SCLT1: variants seen among roughly 807,000 people sequenced by gnomAD.
SCLT1 encodes sodium channel-associated protein 1.
SCLT1 carries 78 observed loss-of-function variants against 112.8 expected under a neutral mutation model. The observed-to-expected ratio is 0.69, with a 90% CI of 0.58 to 0.83. The LOEUF is 0.83. Ranked by LOEUF, SCLT1 falls within the 40% of genes least tolerant of loss-of-function variation. SCLT1 has a pLI of 0.00. For synonymous variants in SCLT1, 257 were observed against 254.7 expected, an observed-to-expected ratio of 1.01 and a Z score of -0.09; for missense variants, 747 against 770.4, an observed-to-expected ratio of 0.97 and a Z score of 0.36.
At chr4:128,913,891 G>T (rs1735278758) in intron 18 of SCLT1, among the ~76,000 whole-genome samples, 1 of 152,030 alleles carries the variant, frequency 6.6e-6, no homozygotes, top group African/African-American at 2.4e-5. Flanking sequence ...TGCCTGTTTT[G>T]TTCACTGGTA....
chr4:128,986,146 G>A (rs1179794307), intron 9 of SCLT1, among the ~76,000 whole-genome samples: 1 of 152,068 alleles, frequency 6.6e-6, no homozygotes, highest in East Asian at 1.9e-4. Flanking sequence ...AGTGCAGAGT[G>A]GACAGATAAT....
intron 1 of SCLT1, among the ~76,000 whole-genome samples, chr4:129,083,127 G>T (rs78273957): frequency 0.24 from 33,789 of 143,502 alleles, 4,447 homozygotes; most frequent in East Asian, 0.33. Flanking sequence ...GGAGGCAGAA[G>T]TTGCAGTGAG....
chr4:128,945,281 C>T (rs1738050426), intron 16 of SCLT1, among the ~76,000 whole-genome samples: 1 of 152,058 alleles, frequency 6.6e-6, no homozygotes, highest in African/African-American at 2.4e-5. Context: ...TTGGGAAAAG[C>T]CTTCATGTGT....
intron 18 of SCLT1, among the ~76,000 whole-genome samples, chr4:128,898,496 C>T (rs898206091): frequency 6.6e-6 from 1 of 152,036 alleles, no homozygotes; most frequent in Admixed American, 6.6e-5. Flanking sequence ...ACACAACATA[C>T]CAGAATCTCT....
At chr4:128,892,617 T>C (rs989970320) in intron 18 of SCLT1, among the ~76,000 whole-genome samples, 2 of 152,300 alleles carry the variant, frequency 1.3e-5, no homozygotes, top group South Asian at 4.1e-4. Context: ...AAGTAATTTG[T>C]TATAAATATA....
intron 18 of SCLT1, among the ~76,000 whole-genome samples, chr4:128,903,910 G>A (rs2125938379): frequency 6.6e-6 from 1 of 152,198 alleles, no homozygotes; most frequent in East Asian, 1.9e-4. Context: ...AATGATTTAG[G>A]ATAAACATTA....
At chr4:129,048,610 A>G (rs1413066441) in intron 2 of SCLT1, among the ~76,000 whole-genome samples, 1 of 152,048 alleles carries the variant, frequency 6.6e-6, no homozygotes, top group Non-Finnish European at 1.5e-5. Context: ...AATGGCAACA[A>G]AAGACAAAAT....
At chr4:128,960,988 T>C (rs1739671450) in intron 11 of SCLT1, among the ~76,000 whole-genome samples, 1 of 99,422 alleles carries the variant, frequency 1.0e-5, no homozygotes, top group African/African-American at 5.4e-5. Context: ...GTCTGTCCTT[T>C]ATGCTGCAAA....
At chr4:129,020,593 T>C (rs1381864277) in intron 5 of SCLT1, among the ~76,000 whole-genome samples, 1 of 152,124 alleles carries the variant, frequency 6.6e-6, no homozygotes, top group Non-Finnish European at 1.5e-5. Context: ...AGCAGCTACA[T>C]AGAGGGGTAC....
intron 2 of SCLT1, among the ~76,000 whole-genome samples, chr4:129,072,482 G>A (rs547846871): frequency 9.9e-5 from 15 of 152,140 alleles, no homozygotes; most frequent in African/African-American, 3.4e-4. Context: ...AGACTTCTTG[G>A]AGGCTTTGTT....
intron 17 of SCLT1, among the ~76,000 whole-genome samples, chr4:128,942,482 A>G (rs1299541854): frequency 1.3e-5 from 2 of 152,062 alleles, no homozygotes; most frequent in Admixed American, 1.3e-4. Context: ...ACCAAACCAT[A>G]TAAGCATCAG....
Position 129,023,913 on chromosome 4 carries a change from C to T in SCLT1, c.290+15128G>A, listed in dbSNP as rs184401764. On this transcript the variant is annotated intron_variant, in intron 5 of 20. Coordinates refer to ENST00000281142, the MANE Select transcript of SCLT1 (RefSeq NM_144643.4). ...CCCGCACCTGGCTTGGAGGGTCCTA[C>T]GCCCACGGAGTCTCGCTGATTGCTA... Among the ~76,000 whole-genome samples the T allele has an allele frequency of 5.3e-4, 80 of 152,344 alleles. 1 individual carries two copies. Among genetic ancestry groups the T allele is most frequent in the African/African-American group, 1.8e-3 (73 of 41,584 alleles).
intron 18 of SCLT1, among the ~76,000 whole-genome samples, chr4:128,892,030 T>C (rs1313309839): frequency 1.3e-5 from 2 of 152,222 alleles, no homozygotes; most frequent in East Asian, 1.9e-4. Flanking sequence ...ATTACTCCAG[T>C]ATCACTTCAG....
chr4:129,031,299 A>T (rs1224536741), intron 5 of SCLT1, among the ~76,000 whole-genome samples: 1 of 152,172 alleles, frequency 6.6e-6, no homozygotes, highest in East Asian at 1.9e-4. Context: ...CTAGGTATTA[A>T]TGGAGCATTT....
In SCLT1 at chr4:128,952,793, T is replaced by C; in HGVS notation, c.1194A>G (p.Thr398=). 1 of 1,567,034 alleles carries C rather than the reference T, an allele frequency of 6.4e-7. No homozygotes were observed. Among genetic ancestry groups the C allele is most frequent in the African/African-American group, 1.3e-5 (1 of 74,166 alleles). ...KQCNIQISRL[T]EELSALQMEC... ...CCATTTGAAGGGCTGAAAGTTCTTC[T>C]GTTAATCGAGAAATTTGTATATTAC... The change falls in exon 14 of 21, where the codon ACA becomes ACG. Residue 398 remains threonine (T), a synonymous_variant. Coordinates refer to ENST00000281142, the MANE Select transcript of SCLT1 (RefSeq NM_144643.4).
chr4:129,042,810 A>T (rs998002328), intron 4 of SCLT1, among the ~76,000 whole-genome samples: 6 of 151,978 alleles, frequency 3.9e-5, no homozygotes, highest in African/African-American at 1.4e-4. Flanking sequence ...CACCACACCC[A>T]GCTAACTTCA....
At chr4:129,025,667 T>C (rs1282449450) in intron 5 of SCLT1, among the ~76,000 whole-genome samples, 1 of 152,114 alleles carries the variant, frequency 6.6e-6, no homozygotes, top group Non-Finnish European at 1.5e-5. Flanking sequence ...CCAGCTAACA[T>C]CATAATGACA....
chr4:128,879,952 C>T (rs188954923), downstream of SCLT1, among the ~76,000 whole-genome samples: 26 of 152,098 alleles, frequency 1.7e-4, no homozygotes, highest in African/African-American at 6.0e-4. Context: ...AAACATTGAA[C>T]GAAAACTTCC....
At chr4:129,027,966 C>T (rs1560984996) in intron 5 of SCLT1, among the ~76,000 whole-genome samples, 1 of 152,128 alleles carries the variant, frequency 6.6e-6, no homozygotes, top group Admixed American at 6.5e-5. Flanking sequence ...ATCCAACTTA[C>T]AAGGGACGGG....
Sources: gnomAD v4.1 joint callset for allele counts (sites outside exome capture counted in the v4.1 genomes callset) on GRCh38, gnomAD v4.1.1 for gene constraint, MANE v1.5 for transcripts, NCBI Gene and HGNC (gene_info 2026-07-23, HGNC 2026-07-21) for gene names.